The following CNTNAP5 variants were observed in gnomAD, a reference collection of about 807,000 sequenced individuals.
CNTNAP5 encodes the protein contactin associated protein family member 5.
In CNTNAP5, 72 loss-of-function variants were observed where a neutral mutation model predicts 150.2. That is an observed-to-expected ratio of 0.48 (90% CI 0.40 to 0.58). CNTNAP5 has a LOEUF of 0.58. CNTNAP5 is among the 20% of genes least tolerant of loss of function. The pLI is 0.00. For synonymous variants in CNTNAP5, 672 were observed against 619.8 expected (o/e 1.08, Z -1.25); for missense variants, 1,636 against 1,626.2 (o/e 1.01, Z -0.10).
chr2:124,341,492 T>C (rs1395796454), intron 3 of CNTNAP5, among the ~76,000 whole-genome samples: 3 of 152,266 alleles, frequency 2.0e-5, no homozygotes, highest in East Asian at 3.9e-4. Context: ...ATGTTAGTAA[T>C]GGAATGGCAA....
chr2:124,035,910 CTTTTTTTTTTTT>C (rs759598012), intron 1 of CNTNAP5, among the ~76,000 whole-genome samples: 3 of 76,528 alleles, frequency 3.9e-5, no homozygotes, highest in East Asian at 5.0e-4. Context: ...AGGATGAACT[CTTTTTTTTTTTT>C]TTTTTTTTTT....
chr2:124,686,248 C>T (rs2105074245), intron 13 of CNTNAP5, among the ~76,000 whole-genome samples: 1 of 152,132 alleles, frequency 6.6e-6, no homozygotes, highest in African/African-American at 2.4e-5. Context: ...ATAGTTCAGA[C>T]CCAATTCCTT....
intron 10 of CNTNAP5, among the ~76,000 whole-genome samples, chr2:124,550,324 G>A (rs866455427): frequency 4.6e-5 from 7 of 152,130 alleles, no homozygotes; most frequent in Middle Eastern, 3.4e-3. Context: ...ATTCAGTGAG[G>A]TCTGGGAGCC....
chr2:124,856,075 G>GGTGTGTGTGT (rs56676705), intron 19 of CNTNAP5, among the ~76,000 whole-genome samples: 9 of 144,234 alleles, frequency 6.2e-5, no homozygotes, highest in South Asian at 2.3e-4. Flanking sequence ...AATAGTCCAT[G>GGTGTGTGTGT]GTGTGTGTGT....
At chr2:124,647,637 T>G in intron 12 of CNTNAP5, 121 bp from the exon 13 acceptor site, 1 of 842,902 alleles carries the variant, frequency 1.2e-6, no homozygotes, top group Non-Finnish European at 1.8e-6. Flanking sequence ...TGTCCTACTC[T>G]CCATACGGTA....
At chr2:124,288,514 T>C (rs1372826490) in intron 3 of CNTNAP5, among the ~76,000 whole-genome samples, 2 of 152,320 alleles carry the variant, frequency 1.3e-5, no homozygotes, top group Admixed American at 6.5e-5. Flanking sequence ...GTTTGCTTCC[T>C]CTATAAATTA....
At chr2:124,655,072 A>T (rs994149740) in intron 13 of CNTNAP5, among the ~76,000 whole-genome samples, 6 of 151,926 alleles carry the variant, frequency 3.9e-5, no homozygotes, top group Non-Finnish European at 7.4e-5. Context: ...GTTTTTCTGC[A>T]CCTATCAACC....
chr2:124,392,506 A>G (rs1175105809), intron 3 of CNTNAP5, among the ~76,000 whole-genome samples: 2 of 152,270 alleles, frequency 1.3e-5, no homozygotes, highest in South Asian at 4.1e-4. Context: ...TGGCAGCTTC[A>G]TTGGGAATTA....
intron 1 of CNTNAP5, among the ~76,000 whole-genome samples, chr2:124,213,762 CA>C (rs541969376): frequency 4.6e-5 from 7 of 151,106 alleles, no homozygotes; most frequent in Admixed American, 2.6e-4. Context: ...CAAAACATAA[CA>C]AAAAAAAATC....
At chr2:124,726,994 T>C (rs892732747) in intron 13 of CNTNAP5, among the ~76,000 whole-genome samples, 2 of 152,096 alleles carry the variant, frequency 1.3e-5, no homozygotes, top group Non-Finnish European at 2.9e-5. Context: ...TTTTAATCAA[T>C]TTTTAGTTGA....
chr2:124,035,118 G>A (rs1328309728), intron 1 of CNTNAP5, among the ~76,000 whole-genome samples: 1 of 149,052 alleles, frequency 6.7e-6, no homozygotes, highest in African/African-American at 2.5e-5. Context: ...CAAAACACTT[G>A]ATAAGAAGAA....
At chr2:124,419,988 CTT>C (rs772589224) in intron 4 of CNTNAP5, among the ~76,000 whole-genome samples, 1 of 78,890 alleles carries the variant, frequency 1.3e-5, no homozygotes, top group Non-Finnish European at 2.5e-5. Context: ...TTCTTTCTTT[CTT>C]TTTTTTTTTT....
intron 3 of CNTNAP5, among the ~76,000 whole-genome samples, chr2:124,367,166 C>T (rs912310417): frequency 2.6e-5 from 4 of 152,164 alleles, no homozygotes; most frequent in African/African-American, 7.2e-5. Context: ...GCTTGACGAA[C>T]AGAGACAAGC....
chr2:124,512,454 C>G (rs559553424), intron 8 of CNTNAP5, among the ~76,000 whole-genome samples: 45 of 152,146 alleles, frequency 3.0e-4, no homozygotes, highest in Non-Finnish European at 2.8e-4. Context: ...GCTGAAAAGG[C>G]AAAAGGTGAA....
rs376949021 is a variant in CNTNAP5, at chr2:124,237,786, G to A, written c.188-4414G>A. On this transcript the variant is annotated intron_variant, in intron 2 of 23. Transcript: ENST00000682447. ...CATGAGGCAGAGGTTGAAGTGAGCC[G>A]AGATCACACCATTGCACTCCAGCCT... Among the ~76,000 whole-genome samples the A allele has an allele frequency of 3.5e-4, 53 of 151,640 alleles. No homozygotes were observed. In the East Asian group the frequency reaches 3.5e-3, roughly 10 times the overall value.
At chr2:124,146,524 G>A (rs576878702) in intron 1 of CNTNAP5, among the ~76,000 whole-genome samples, 8 of 151,814 alleles carry the variant, frequency 5.3e-5, no homozygotes, top group African/African-American at 1.9e-4. Flanking sequence ...AATTATGAAA[G>A]TAAACATTTG....
chr2:124,622,298 T>A (rs998055542), intron 12 of CNTNAP5, among the ~76,000 whole-genome samples: 2 of 152,202 alleles, frequency 1.3e-5, no homozygotes, highest in African/African-American at 2.4e-5. Context: ...AAAGACATGA[T>A]CTCATTTCTT....
chr2:124,031,205 T>A (rs1681040200), intron 1 of CNTNAP5, among the ~76,000 whole-genome samples: 1 of 152,038 alleles, frequency 6.6e-6, no homozygotes, highest in Admixed American at 6.6e-5. Context: ...CCCTATATAT[T>A]ACATTTCCAT....
intron 1 of CNTNAP5, among the ~76,000 whole-genome samples, chr2:124,193,903 C>T (rs1685515182): frequency 6.6e-6 from 1 of 152,012 alleles, no homozygotes; most frequent in African/African-American, 2.4e-5. Flanking sequence ...AAACCTCAGC[C>T]CTGGACAGAC....
Sources: gnomAD v4.1 joint callset for allele counts (sites outside exome capture counted in the v4.1 genomes callset) on GRCh38, gnomAD v4.1.1 for gene constraint, MANE v1.5 for transcripts, NCBI Gene and HGNC (gene_info 2026-07-23, HGNC 2026-07-21) for gene names.